Variants in PLAC1 observed in about 807,000 individuals in gnomAD.
PLAC1 encodes the protein placenta associated 1, also known as placenta-specific protein 1.
For missense variants in PLAC1, 136 were observed against 163.2 expected (o/e 0.83, Z 0.91); for synonymous variants, 68 against 62.1 (o/e 1.09, Z -0.44).
chrX:134,578,456 G>A (rs2077955083), intron 2 of PLAC1, among the ~76,000 whole-genome samples: 2 of 102,421 alleles, frequency 2.0e-5, no homozygotes. Context: ...TCAGAATGGA[G>A]CTTACTGCCC....
At chrX:134,707,937 G>A (rs764067184) in intron 2 of PLAC1, among the ~76,000 whole-genome samples, 4 of 111,783 alleles carry the variant, frequency 3.6e-5, no homozygotes, top group South Asian at 3.7e-4. Flanking sequence ...TGTATGTCAC[G>A]TTAGACCTAG....
chrX:134,702,626 T>C (rs1378923006), intron 2 of PLAC1, among the ~76,000 whole-genome samples: 1 of 111,161 alleles, frequency 9.0e-6, no homozygotes, highest in African/African-American at 3.3e-5. Flanking sequence ...GGGGCAAGGG[T>C]TGAAAAATTG....
chrX:134,760,692 T>A (rs1308993154), intron 1 of PLAC1, among the ~76,000 whole-genome samples: 1 of 111,017 alleles, frequency 9.0e-6, no homozygotes, highest in Admixed American at 9.6e-5. Flanking sequence ...TTTGATAGAA[T>A]AAATGGCCCC....
chrX:134,662,517 A>C (rs543762542), upstream of PLAC1, among the ~76,000 whole-genome samples: 1 of 112,204 alleles, frequency 8.9e-6, no homozygotes, highest in African/African-American at 3.2e-5. Flanking sequence ...TGTTGTGTTG[A>C]TTGTCTTGAC....
intron 1 of PLAC1, among the ~76,000 whole-genome samples, chrX:134,763,853 AAAGAAAGAG>A (rs1377015742): frequency 5.1e-4 from 55 of 108,791 alleles, no homozygotes; most frequent in Middle Eastern, 4.7e-3. Flanking sequence ...AGAAAGAAAG[AAAGAAAGAG>A]AAAAGAAAAG....
At chrX:134,660,353 G>A (rs910101511), upstream of PLAC1, among the ~76,000 whole-genome samples, 37 of 111,866 alleles carry the variant, frequency 3.3e-4, no homozygotes, top group African/African-American at 1.2e-3. Context: ...TGATCCACCC[G>A]CCTCAGCCTC....
chrX:134,680,759 T>C (rs762894461), intron 2 of PLAC1, among the ~76,000 whole-genome samples: 1 of 112,075 alleles, frequency 8.9e-6, no homozygotes, highest in South Asian at 3.7e-4. Context: ...AATATTCAAG[T>C]GTCTGTGCAC....
intron 1 of PLAC1, among the ~76,000 whole-genome samples, chrX:134,620,831 A>G (rs1381779116): frequency 8.9e-6 from 1 of 112,894 alleles, no homozygotes; most frequent in African/African-American, 3.2e-5. Flanking sequence ...TCTGTCATAT[A>G]TTAATTCACT....
At chrX:134,708,534 CTTTT>C (rs758488220) in intron 2 of PLAC1, among the ~76,000 whole-genome samples, 2 of 73,652 alleles carry the variant, frequency 2.7e-5, no homozygotes, top group African/African-American at 5.2e-5. Flanking sequence ...CATTCTGTAT[CTTTT>C]TTTTTTTTTT....
At chrX:134,616,995 T>TG (rs752522981) in intron 1 of PLAC1, among the ~76,000 whole-genome samples, 3 of 103,743 alleles carry the variant, frequency 2.9e-5, no homozygotes, top group Admixed American at 1.0e-4. Flanking sequence ...TTTTTTTTGG[T>TG]GGGGGGGTGG....
intron 1 of PLAC1, among the ~76,000 whole-genome samples, chrX:134,753,934 A>C (rs1291520573): frequency 2.7e-5 from 3 of 111,798 alleles, no homozygotes; most frequent in East Asian, 5.6e-4. Flanking sequence ...AATACCCCGG[A>C]TGACACAAAA....
chrX:134,661,165 C>A (rs2078415153), upstream of PLAC1, among the ~76,000 whole-genome samples: 3 of 111,723 alleles, frequency 2.7e-5, no homozygotes, highest in African/African-American at 9.8e-5. Flanking sequence ...TGGCTTTCTA[C>A]TCATTCTTCA....
chrX:134,762,643 C>A (rs1480880268), intron 1 of PLAC1, among the ~76,000 whole-genome samples: 2 of 108,652 alleles, frequency 1.8e-5, no homozygotes, highest in African/African-American at 6.7e-5. Context: ...GCCTGGCCAA[C>A]ATGGTGAAAC....
chrX:134,599,663 C>T lies in PLAC1; in HGVS notation c.-59+2388G>A, dbSNP rs904435714. 3.6e-5 allele frequency: 4 copies of T among 112,051 alleles called. No homozygotes were observed. In the South Asian group the frequency reaches 1.5e-3, roughly 42 times the overall value. 9.2% of individuals were successfully genotyped at this position (112,051 alleles called of 1,213,427 possible). On this transcript the variant is annotated intron_variant, in intron 2 of 2. Transcript: ENST00000359237. ...CAGCAGAGCCCAACAGTTTATATCACGTGAAGCTAAGAATCTAGGGGAGGG... is the reference window on the plus strand; with the variant it reads ...CAGCAGAGCCCAACAGTTTATATCATGTGAAGCTAAGAATCTAGGGGAGGG...
chrX:134,568,027 C>T lies in PLAC1; in HGVS notation c.-58-1287G>A, dbSNP rs982931065. Among the ~76,000 whole-genome samples, 10 of 111,750 alleles carry T rather than the reference C, an allele frequency of 8.9e-5. No individual in the cohort carries two copies. In the East Asian group the frequency reaches 1.1e-3, roughly 12 times the overall value. ...CAGGCAGACCAGTGAGGAGAAAAAG[C>T]AGTGCTAGGAATAAGTATCTAAAAC... On this transcript the variant is annotated intron_variant, in intron 2 of 2. Transcript: ENST00000359237.
chrX:134,659,099 T>C (rs2078405860), upstream of PLAC1, among the ~76,000 whole-genome samples: 2 of 110,233 alleles, frequency 1.8e-5, no homozygotes, highest in Middle Eastern at 4.6e-3. Context: ...AGCTGATGCA[T>C]GCTGGGCTTA....
At chrX:134,668,936 AGCAG>A (rs1384983026) in intron 2 of PLAC1, among the ~76,000 whole-genome samples, 2 of 112,461 alleles carry the variant, frequency 1.8e-5, no homozygotes, top group Non-Finnish European at 3.8e-5. Flanking sequence ...GTGGCAACAG[AGCAG>A]GCAGGCCCAG....
At chrX:134,707,362 T>G (rs1238082824) in intron 2 of PLAC1, among the ~76,000 whole-genome samples, 2 of 112,546 alleles carry the variant, frequency 1.8e-5, no homozygotes, top group African/African-American at 3.2e-5. Flanking sequence ...CGTGCAGATT[T>G]GTTACATAGG....
Position 134,602,054 on chromosome X carries a change from C to T in PLAC1, c.-62G>A, listed in dbSNP as rs1350281234. On this transcript the variant is annotated 5_prime_UTR_variant, in exon 2 of 3. Coordinates refer to ENST00000359237, the MANE Select transcript of PLAC1 (RefSeq NM_021796.4). The stretch of plus-strand genomic sequence containing the variant: ...ACTGAACACACAGAAAACTAACCTT[C>T]TTCTGGCAGCTGGGGATAATTTGTC... 2 of 112,813 alleles carry T rather than the reference C, an allele frequency of 1.8e-5. No individual in the cohort carries two copies. 9.3% of individuals were successfully genotyped at this position (112,813 alleles called of 1,213,427 possible). A position where few individuals can be genotyped will look rare whatever the true frequency, so the allele number is the denominator to read the frequency against.
Sources: allele counts gnomAD v4.1 joint callset (sites outside exome capture counted in the v4.1 genomes callset), GRCh38; gene constraint gnomAD v4.1.1; transcripts MANE v1.5; gene names NCBI Gene and HGNC (gene_info 2026-07-23, HGNC 2026-07-21).